ACSF3: variants seen among roughly 807,000 people sequenced by gnomAD.
ACSF3 encodes the protein acyl-CoA synthetase family member 3, also known as malonate--CoA ligase ACSF3, mitochondrial.
A neutral mutation model predicts 53.2 loss-of-function variants in ACSF3; 78 were observed. That is an observed-to-expected ratio of 1.47 (90% CI 1.22 to 1.77). ACSF3 has a LOEUF of 1.77. Among genes scored for constraint, ACSF3 ranks in the 40% most tolerant of loss-of-function variants. The pLI is 0.00. For synonymous variants in ACSF3, 414 were observed against 333.1 expected, an observed-to-expected ratio of 1.24 and a Z score of -2.65; for missense variants, 937 against 771.1, an observed-to-expected ratio of 1.22 and a Z score of -2.55.
intron 6 of ACSF3, among the ~76,000 whole-genome samples, chr16:89,117,492 A>G (rs921366719): frequency 9.9e-5 from 15 of 152,106 alleles, no homozygotes; most frequent in Non-Finnish European, 2.2e-4. Context: ...CGAGGGAGTC[A>G]TGAGCAGCCC....
At chr16:89,140,920 G>T in intron 8 of ACSF3, 1 of 453,868 alleles carries the variant, frequency 2.2e-6, no homozygotes, top group Non-Finnish European at 3.6e-6. Flanking sequence ...GTATCTGTCA[G>T]AAGAAAACTC....
intron 10 of ACSF3, 192 bp from the exon 11 acceptor site, chr16:89,153,898 A>T (rs910058991): frequency 3.2e-6 from 2 of 623,484 alleles, no homozygotes; most frequent in Non-Finnish European, 5.7e-6. Context: ...CACCTCCTGC[A>T]GTCACCACCC....
intron 8 of ACSF3, chr16:89,136,791 T>G (rs1333157992): frequency 7.8e-7 from 1 of 1,287,124 alleles, no homozygotes; most frequent in Non-Finnish European, 1.0e-6. Context: ...GCCAGGGGTC[T>G]CCGCTGCTGC....
chr16:89,141,554 T>TTGCCAGGAAGA (rs776169660), intron 8 of ACSF3, among the ~76,000 whole-genome samples: 26 of 140,876 alleles, frequency 1.8e-4, no homozygotes, highest in Non-Finnish European at 1.6e-5. Context: ...GAGGGGGCCT[T>TTGCCAGGAAGA]TGCCAGGAAG....
At chr16:89,148,100 G>GT (rs1913443667) in intron 10 of ACSF3, 1 of 136,252 alleles carries the variant, frequency 7.3e-6, no homozygotes, top group South Asian at 2.4e-4. Context: ...CTTCTTTTTT[G>GT]GTTTTTTTTT....
intron 4 of ACSF3, among the ~76,000 whole-genome samples, chr16:89,110,865 G>A (rs1334755496): frequency 1.3e-5 from 2 of 152,172 alleles, no homozygotes; most frequent in Non-Finnish European, 2.9e-5. Flanking sequence ...CCGCGGTGCT[G>A]CTGTCTCCCG....
chr16:89,124,055 C>T (rs1057501626), intron 7 of ACSF3, among the ~76,000 whole-genome samples: 6 of 147,548 alleles, frequency 4.1e-5, no homozygotes, highest in Admixed American at 2.7e-4. Context: ...ACATGCAGTG[C>T]ATGAACGGGT....
rs925888889 is a variant in ACSF3 at position 89,154,292 on chromosome 16, G to A, written c.*85G>A. 7.6e-7 allele frequency: 1 copy of A among 1,309,360 alleles called. No individual in the cohort carries two copies. The highest frequency in any genetic ancestry group is 1.1e-6 in the Non-Finnish European group (1 of 921,336). 81.1% of individuals were successfully genotyped at this position (1,309,360 alleles called of 1,614,324 possible). A position where few individuals can be genotyped will look rare whatever the true frequency, so the allele number is the denominator to read the frequency against. On this transcript the variant is annotated 3_prime_UTR_variant, in exon 11 of 11. Coordinates refer to ENST00000614302, the MANE Select transcript of ACSF3 (RefSeq NM_001243279.3). ...AACCACGGGGGCCCGTCCAAGACCTGGCCTCCCTTAAACCTGAACCCCCCA... is the reference window on the plus strand; with the variant it reads ...AACCACGGGGGCCCGTCCAAGACCTAGCCTCCCTTAAACCTGAACCCCCCA...
chr16:89,108,548 C>T (rs1976295411), intron 4 of ACSF3, among the ~76,000 whole-genome samples: 1 of 152,156 alleles, frequency 6.6e-6, no homozygotes. Context: ...GTCCATTTCC[C>T]CCCATTCCCA....
chr16:89,104,625 C>T (rs1474128693), intron 4 of ACSF3, among the ~76,000 whole-genome samples: 3 of 152,188 alleles, frequency 2.0e-5, no homozygotes, highest in South Asian at 2.1e-4. Context: ...CTTCTCCTGC[C>T]GCTGAGAGGC....
At chr16:89,132,161 A>G (rs1909468584) in intron 7 of ACSF3, among the ~76,000 whole-genome samples, 1 of 152,236 alleles carries the variant, frequency 6.6e-6, no homozygotes, top group Non-Finnish European at 1.5e-5. Flanking sequence ...GCTATTTCGC[A>G]GCTACTTCCC....
chr16:89,098,997 C>A (rs562406265), intron 2 of ACSF3, among the ~76,000 whole-genome samples: 14 of 152,398 alleles, frequency 9.2e-5, no homozygotes, highest in African/African-American at 3.4e-4. Context: ...AGACCGAGGG[C>A]CGCTGAGTGC....
In ACSF3 at chr16:89,132,688, A is replaced by G. The variant is rs148648473; in HGVS notation, c.1240-448A>G. Among the ~76,000 whole-genome samples, 496 of 152,340 alleles carry G rather than the reference A, an allele frequency of 3.3e-3. 2 individuals are homozygous for G. Among genetic ancestry groups the G allele is most frequent in the African/African-American group, 0.011 (469 of 41,582 alleles). ...CAAGCTGCCCCAGCCCCTGTGGGCA[A>G]GGTGTGGACAGGTGCCCGCTGCTGT... On this transcript the variant is annotated intron_variant, in intron 7 of 10. Coordinates refer to ENST00000614302, the MANE Select transcript of ACSF3 (RefSeq NM_001243279.3).
chr16:89,143,813 C>T (rs1330481704), intron 8 of ACSF3, among the ~76,000 whole-genome samples: 1 of 152,232 alleles, frequency 6.6e-6, no homozygotes, highest in Non-Finnish European at 1.5e-5. Context: ...TGGAGCCCAC[C>T]TGGGCACACC....
chr16:89,143,080 A>T (rs1912180058), intron 8 of ACSF3, among the ~76,000 whole-genome samples: 1 of 152,244 alleles, frequency 6.6e-6, no homozygotes, highest in Non-Finnish European at 1.5e-5. Flanking sequence ...GCAACATTTT[A>T]AAACTTATAA....
At chr16:89,128,493 C>G (rs1226161092) in intron 7 of ACSF3, among the ~76,000 whole-genome samples, 1 of 152,108 alleles carries the variant, frequency 6.6e-6, no homozygotes, top group African/African-American at 2.4e-5. Context: ...CTCCTGACCT[C>G]AAGTGATCCA....
At chr16:89,135,071 GTTTT>G (rs76337118) in intron 8 of ACSF3, among the ~76,000 whole-genome samples, 9 of 115,636 alleles carry the variant, frequency 7.8e-5, no homozygotes, top group African/African-American at 1.9e-4. Context: ...TCTTTTCCTG[GTTTT>G]TTTTTTTTTT....
intron 5 of ACSF3, 63 bp from the exon 6 acceptor site, chr16:89,114,276 C>T: frequency 1.2e-6 from 2 of 1,607,338 alleles, no homozygotes; most frequent in South Asian, 1.1e-5. Flanking sequence ...GCTAAACCTG[C>T]CACCTTTGCA....
At chr16:89,149,371 C>G (rs1913689436) in intron 10 of ACSF3, 1 of 152,190 alleles carries the variant, frequency 6.6e-6, no homozygotes, top group Non-Finnish European at 1.5e-5. Context: ...TTAGTCCAGT[C>G]TTGCATTGCT....
Sources: gnomAD v4.1 joint callset for allele counts (sites outside exome capture counted in the v4.1 genomes callset) on GRCh38, gnomAD v4.1.1 for gene constraint, MANE v1.5 for transcripts, NCBI Gene and HGNC (gene_info 2026-07-23, HGNC 2026-07-21) for gene names.